SIK3: variants seen among roughly 807,000 people sequenced by gnomAD.
SIK3 encodes SIK family kinase 3, also known as serine/threonine-protein kinase SIK3.
In SIK3, 28 loss-of-function variants were observed where a neutral mutation model predicts 144.2. The observed-to-expected ratio is 0.19, with a 90% CI of 0.14 to 0.27. The LOEUF (loss-of-function observed/expected upper bound fraction) is 0.27. Ranked by LOEUF, SIK3 falls within the 10% of genes least tolerant of loss-of-function variation. SIK3 has a pLI of 1.00. For synonymous variants in SIK3, 686 were observed against 676.3 expected, an observed-to-expected ratio of 1.01 and a Z score of -0.22; for missense variants, 1,319 against 1,776.0, an observed-to-expected ratio of 0.74 and a Z score of 4.62.
intron 1 of SIK3, among the ~76,000 whole-genome samples, chr11:117,033,803 G>A (rs1952375193): frequency 6.6e-6 from 1 of 151,420 alleles, no homozygotes; most frequent in African/African-American, 2.4e-5. Context: ...ATCTGATAAT[G>A]GATATAAGAA....
chr11:117,026,293 T>C (rs1437583454), intron 1 of SIK3, among the ~76,000 whole-genome samples: 1 of 152,156 alleles, frequency 6.6e-6, no homozygotes. Flanking sequence ...CCTAGGTGGG[T>C]AGTAGGCTAT....
At position 116,858,335 on chromosome 11, in the gene SIK3, T is replaced by C; in HGVS notation, c.3130A>G (p.Ile1044Val). ...TGCCGTTGTTGCTGCTGCCTTTTAA[T>C]GAGCTGTGCAAACTCTGTTGGGGGC... ...RLPPTEFAQL[I>V]KRQQQQRQQQ... Residue 1044 changes from isoleucine to valine, a missense_variant, in exon 21 of 25, where the codon ATT becomes GTT. Physicochemically the swap from Ile to Val is conservative, Grantham distance 29. Coordinates refer to ENST00000445177, the MANE Select transcript of SIK3 (RefSeq NM_001366686.3). The surrounding 1 kb of genome is among the most constrained non-coding windows in gnomAD (Gnocchi z 5.4). The C allele has an allele frequency of 6.2e-7, 1 of 1,613,424 alleles. No homozygotes were observed. The highest frequency in any genetic ancestry group is 2.2e-5 in the East Asian group (1 of 44,864).
intron 1 of SIK3, among the ~76,000 whole-genome samples, chr11:117,016,390 G>GGAA (rs1951533114): frequency 1.0e-4 from 2 of 19,526 alleles, no homozygotes; most frequent in East Asian, 4.5e-4. Context: ...GAGAGAGGGA[G>GGAA]GGAGGGAAGG....
chr11:116,851,473 C>G (rs1362906775), intron 21 of SIK3, among the ~76,000 whole-genome samples: 1 of 151,976 alleles, frequency 6.6e-6, no homozygotes, highest in Non-Finnish European at 1.5e-5. Context: ...TAAGGTTAGG[C>G]TGGGACTTAG....
At chr11:116,962,795 C>T (rs1949393820) in intron 1 of SIK3, among the ~76,000 whole-genome samples, 1 of 151,962 alleles carries the variant, frequency 6.6e-6, no homozygotes. Context: ...TAAACTATCT[C>T]CCTGATACAT....
intron 4 of SIK3, among the ~76,000 whole-genome samples, chr11:116,897,844 C>T (rs571092014): frequency 1.3e-5 from 2 of 151,638 alleles, no homozygotes; most frequent in Non-Finnish European, 2.9e-5. Context: ...GATGGCGCCA[C>T]TGCACTCCAG....
intron 3 of SIK3, among the ~76,000 whole-genome samples, chr11:116,939,222 A>C (rs544407802): frequency 6.6e-6 from 1 of 152,320 alleles, no homozygotes; most frequent in African/African-American, 2.4e-5. Context: ...GACTCAGCTC[A>C]CTGCAACCTC....
At chr11:116,856,066 G>A (rs1327823134) in intron 21 of SIK3, among the ~76,000 whole-genome samples, 21 of 152,064 alleles carry the variant, frequency 1.4e-4, no homozygotes, top group South Asian at 2.1e-4. Context: ...GCGTGGTGGC[G>A]GGCACATGTA....
In SIK3 at chr11:116,858,585, C is replaced by T; in HGVS notation, c.2880G>A (p.Val960=). The change falls in exon 21 of 25, where the codon GTG becomes GTA. Residue 960 remains valine, a synonymous_variant. Coordinates refer to ENST00000445177, the MANE Select transcript of SIK3 (RefSeq NM_001366686.3). The surrounding 1 kb of genome is among the most constrained non-coding windows in gnomAD (Gnocchi z 5.4). Reference sequence around the variant, plus strand: ...TCAGGGCTTGGGTTGGAGAGAACCCCACTCCTGTTGAAGGGCTGTAGCTGC... The same window carrying T: ...TCAGGGCTTGGGTTGGAGAGAACCCTACTCCTGTTGAAGGGCTGTAGCTGC... ...SPSSYSPSTG[V]GFSPTQALKV... The T allele has an allele frequency of 1.9e-6, 3 of 1,613,670 alleles. No homozygotes were observed. Among genetic ancestry groups the T allele is most frequent in the Non-Finnish European group, 1.7e-6 (2 of 1,179,858 alleles).
chr11:117,006,254 A>C (rs1181402157), intron 1 of SIK3, among the ~76,000 whole-genome samples: 2 of 152,198 alleles, frequency 1.3e-5, no homozygotes, highest in Non-Finnish European at 2.9e-5. Context: ...AAGTGAAAGG[A>C]AAGAAGGCTG....
intron 1 of SIK3, among the ~76,000 whole-genome samples, chr11:116,987,728 G>A (rs1950369200): frequency 1.3e-5 from 2 of 152,126 alleles, no homozygotes; most frequent in Non-Finnish European, 2.9e-5. Flanking sequence ...AAACACAGGG[G>A]GAGGAGGTAG....
intron 4 of SIK3, among the ~76,000 whole-genome samples, chr11:116,914,465 A>T (rs1946512124): frequency 1.3e-5 from 2 of 152,068 alleles, no homozygotes; most frequent in South Asian, 4.2e-4. Context: ...CAGGTCCCAA[A>T]GTGCTGGGAT....
chr11:117,066,003 A>G (rs1171141224), intron 1 of SIK3, among the ~76,000 whole-genome samples: 1 of 151,900 alleles, frequency 6.6e-6, no homozygotes, highest in Non-Finnish European at 1.5e-5. Flanking sequence ...CTATCAATCT[A>G]AAATTCCTGG....
At chr11:116,857,062 C>A (rs547604704) in intron 21 of SIK3, 14 of 152,234 alleles carry the variant, frequency 9.2e-5, no homozygotes, top group African/African-American at 3.4e-4. Context: ...AATTGCAATC[C>A]TGATCTCCTT....
At chr11:116,924,606 A>T (rs1338376129) in intron 4 of SIK3, among the ~76,000 whole-genome samples, 1 of 152,208 alleles carries the variant, frequency 6.6e-6, no homozygotes, top group Non-Finnish European at 1.5e-5. Context: ...CCACTGCAGC[A>T]GGCCCCACAG....
intron 1 of SIK3, among the ~76,000 whole-genome samples, chr11:117,019,604 T>C (rs892916359): frequency 2.6e-5 from 4 of 152,036 alleles, no homozygotes; most frequent in African/African-American, 9.7e-5. Flanking sequence ...ATATTTAAAC[T>C]TGGCAGTCAA....
chr11:117,080,697 C>T (rs1232930158), intron 1 of SIK3, among the ~76,000 whole-genome samples: 1 of 152,138 alleles, frequency 6.6e-6, no homozygotes, highest in African/African-American at 2.4e-5. Flanking sequence ...CCTGTAATCC[C>T]AGCACTTTGG....
At position 117,038,359 on chromosome 11, in the gene SIK3, CT is replaced by C. The variant is rs372851873; in HGVS notation, c.273+59783del. Among the ~76,000 whole-genome samples the C allele has an allele frequency of 3.1e-3, 441 of 142,030 alleles. 1 individual carries two copies. Among genetic ancestry groups the C allele is most frequent in the Middle Eastern group, 7.2e-3 (2 of 276 alleles). The allele number at this position is 142,030 out of a possible 152,430, so 93.2% of individuals were successfully genotyped here. On this transcript the variant is annotated intron_variant, in intron 1 of 24. Coordinates refer to ENST00000445177, the MANE Select transcript of SIK3 (RefSeq NM_001366686.3). ...GCCTAGAATAAACTGCTACAAGATA[CT>C]TTTTTTTTTTTTTTGAGACAGAGTC...
intron 4 of SIK3, among the ~76,000 whole-genome samples, chr11:116,902,680 A>G (rs1387475869): frequency 1.3e-5 from 2 of 152,190 alleles, no homozygotes; most frequent in Non-Finnish European, 2.9e-5. Flanking sequence ...TTATGCACCA[A>G]ACAAAATCCT....
Sources: gnomAD v4.1 joint callset for allele counts (sites outside exome capture counted in the v4.1 genomes callset) on GRCh38, gnomAD v4.1.1 for gene constraint, Gnocchi (gnomAD v3.1) non-coding constraint, MANE v1.5 for transcripts, NCBI Gene and HGNC (gene_info 2026-07-23, HGNC 2026-07-21) for gene names.